BCAS1: variants seen among roughly 807,000 people sequenced by gnomAD.
BCAS1 encodes the protein breast carcinoma-amplified sequence 1.
Under a neutral mutation model 65.4 loss-of-function variants are expected in BCAS1, and 46 were observed. The observed-to-expected ratio is 0.70, with a 90% CI of 0.55 to 0.90. The LOEUF (loss-of-function observed/expected upper bound fraction) is 0.90, where lower values mean the gene tolerates loss of function less well. BCAS1 is among the 40% of genes least tolerant of loss of function. The pLI is 0.00. For synonymous variants in BCAS1, 298 were observed against 293.5 expected, an observed-to-expected ratio of 1.02 and a Z score of -0.16; for missense variants, 793 against 771.2, an observed-to-expected ratio of 1.03 and a Z score of -0.33.
At chr20:53,974,555 C>T (rs541242254) in intron 9 of BCAS1, among the ~76,000 whole-genome samples, 12 of 152,312 alleles carry the variant, frequency 7.9e-5, no homozygotes, top group Admixed American at 4.6e-4. Context: ...TAAAAACACA[C>T]GCCCTATTTA....
chr20:53,963,343 T>C (rs756415856), intron 10 of BCAS1, among the ~76,000 whole-genome samples: 6 of 151,772 alleles, frequency 4.0e-5, no homozygotes, highest in Non-Finnish European at 8.8e-5. Flanking sequence ...TAGCCAGGTG[T>C]GTTGGCATAC....
At chr20:53,961,502 GT>G (rs2145582974) in intron 10 of BCAS1, among the ~76,000 whole-genome samples, 1 of 152,302 alleles carries the variant, frequency 6.6e-6, no homozygotes, top group Admixed American at 6.5e-5. Context: ...GGTAAATTTT[GT>G]TTTAGTGACA....
At position 54,059,804 on chromosome 20, in the gene BCAS1, A is replaced by T. The variant is rs756219912; in HGVS notation, c.-5-1081T>A. ...GTGTACCTAAACATATCGAAACAGAAAAAGTCCAGTAAATACATAGTATTA... is the reference window on the plus strand; with the variant it reads ...GTGTACCTAAACATATCGAAACAGATAAAGTCCAGTAAATACATAGTATTA... On this transcript the variant is annotated intron_variant, in intron 1 of 12. Transcript: ENST00000688948. 2.2e-4 allele frequency among the ~76,000 whole-genome samples: 33 copies of T among 152,270 alleles called. 1 individual carries two copies. Among genetic ancestry groups the T allele is most frequent in the South Asian group, 2.1e-4 (1 of 4,834 alleles).
At chr20:54,060,293 A>G (rs1568933118) in intron 1 of BCAS1, among the ~76,000 whole-genome samples, 1 of 152,226 alleles carries the variant, frequency 6.6e-6, no homozygotes. Flanking sequence ...ACAAAAATGC[A>G]TAGGGTTCTA....
intron 3 of BCAS1, 44 bp downstream of exon 3, chr20:54,058,041 C>CT: frequency 6.9e-7 from 1 of 1,451,294 alleles, no homozygotes; most frequent in South Asian, 1.2e-5. Context: ...GCAGACCCCC[C>CT]TTCCCCACGA....
intron 1 of BCAS1, among the ~76,000 whole-genome samples, chr20:54,066,144 C>T (rs1601059623): frequency 6.6e-6 from 1 of 151,042 alleles, no homozygotes; most frequent in African/African-American, 2.4e-5. Flanking sequence ...GCCATTTCGG[C>T]TCACTGCAAG....
intron 3 of BCAS1, among the ~76,000 whole-genome samples, chr20:54,038,522 A>G (rs2091936529): frequency 1.3e-5 from 2 of 151,230 alleles, no homozygotes. Flanking sequence ...CAAACACTCC[A>G]CAAAGGACCA....
chr20:54,028,710 A>T lies in BCAS1; in HGVS notation c.405T>A (p.Ser135Arg). ...SNKAPANKDP[S>R]ESWTLPVAAG... is the part of the protein sequence containing the mutation. The stretch of plus-strand genomic sequence containing the variant: ...CTGCCACCGGAAGTGTCCAGCTCTC[A>T]CTTGGGTCTTTGTTCGCTGGAGCTT... The change falls in exon 4 of 13, where the codon AGT becomes AGA. Residue 135 changes from serine (S) to arginine (R), a missense_variant. Transcript: ENST00000688948. The T allele has an allele frequency of 6.2e-7, 1 of 1,614,100 alleles. No individual in the cohort carries two copies.
chr20:54,009,710 T>C (rs1267615028), intron 4 of BCAS1, among the ~76,000 whole-genome samples: 1 of 152,196 alleles, frequency 6.6e-6, no homozygotes, highest in Non-Finnish European at 1.5e-5. Context: ...CTTACTAATT[T>C]ATTTTATAAA....
chr20:53,950,089 A>G (rs575212105), intron 12 of BCAS1, among the ~76,000 whole-genome samples: 27 of 152,196 alleles, frequency 1.8e-4, no homozygotes, highest in Non-Finnish European at 3.8e-4. Flanking sequence ...TTCTTACTTA[A>G]TATCTGTGAG....
intron 10 of BCAS1, among the ~76,000 whole-genome samples, chr20:53,957,941 C>T (rs1290609062): frequency 2.6e-5 from 4 of 151,266 alleles, no homozygotes; most frequent in Admixed American, 6.6e-5. Context: ...TTTCATTTTC[C>T]ACCCTTTAGC....
At chr20:53,979,090 CT>C (rs1267410093) in intron 8 of BCAS1, among the ~76,000 whole-genome samples, 5 of 152,102 alleles carry the variant, frequency 3.3e-5, no homozygotes, top group Non-Finnish European at 7.4e-5. Context: ...CATGAAGACC[CT>C]CATTTACATG....
At chr20:53,965,966 G>A (rs1026265574) in intron 10 of BCAS1, among the ~76,000 whole-genome samples, 6 of 152,030 alleles carry the variant, frequency 3.9e-5, no homozygotes, top group Middle Eastern at 3.2e-3. Context: ...TTAAAAGGCC[G>A]AAAAAAAGAA....
chr20:53,966,649 G>C (rs1478426311), intron 10 of BCAS1, among the ~76,000 whole-genome samples: 1 of 152,108 alleles, frequency 6.6e-6, no homozygotes, highest in Non-Finnish European at 1.5e-5. Context: ...TCCAACCCAA[G>C]GGCACCTCTT....
chr20:54,066,068 A>ATTTTTT (rs1051455563), intron 1 of BCAS1, among the ~76,000 whole-genome samples: 4 of 146,032 alleles, frequency 2.7e-5, no homozygotes, highest in South Asian at 2.2e-4. Flanking sequence ...TGAGGCAGGT[A>ATTTTTT]TTTTTTTTCT....
At chr20:54,032,557 G>A (rs2091823620) in intron 3 of BCAS1, among the ~76,000 whole-genome samples, 1 of 151,032 alleles carries the variant, frequency 6.6e-6, no homozygotes, top group Admixed American at 6.6e-5. Context: ...AAGAACCATT[G>A]GTATACTGTC....
Position 54,066,396 on chromosome 20 carries a change from A to T in BCAS1, c.-6+4037T>A, listed in dbSNP as rs538957383. Among the ~76,000 whole-genome samples, 3 of 152,212 alleles carry T rather than the reference A, an allele frequency of 2.0e-5. No individual in the cohort carries two copies. The South Asian group carries it at 6.2e-4, about 32-fold the overall frequency. ...CGAGGCAGGTATTTTTATTGTCCCC[A>T]TTTTACAGATGCAGAACCTGAGCCC... On this transcript the variant is annotated intron_variant, in intron 1 of 12. Transcript: ENST00000688948.
chr20:54,055,150 G>C (rs537057620), intron 3 of BCAS1, among the ~76,000 whole-genome samples: 28 of 152,200 alleles, frequency 1.8e-4, no homozygotes, highest in African/African-American at 6.7e-4. Flanking sequence ...AACATAAGAA[G>C]ATAATTGAAA....
At chr20:54,055,470 T>C (rs944424429) in intron 3 of BCAS1, among the ~76,000 whole-genome samples, 1 of 152,124 alleles carries the variant, frequency 6.6e-6, no homozygotes, top group African/African-American at 2.4e-5. Context: ...TCAGATCTCA[T>C]GAGACTTATT....
Sources: allele counts gnomAD v4.1 joint callset (sites outside exome capture counted in the v4.1 genomes callset), GRCh38; gene constraint gnomAD v4.1.1; transcripts MANE v1.5; gene names NCBI Gene and HGNC (gene_info 2026-07-23, HGNC 2026-07-21).